TMED10: variants seen among roughly 807,000 people sequenced by gnomAD.
TMED10 encodes the protein transmembrane p24 trafficking protein 10.
A neutral mutation model predicts 23.1 loss-of-function variants in TMED10; 7 were observed. The observed-to-expected ratio is 0.30, with a 90% CI of 0.17 to 0.57. The LOEUF is 0.57. TMED10 is among the 20% of genes least tolerant of loss of function. TMED10 has a pLI of 0.91. For synonymous variants in TMED10, 113 were observed against 106.9 expected (o/e 1.06, Z -0.35); for missense variants, 162 against 274.8 (o/e 0.59, Z 2.90).
chr14:75,141,377 A>T (rs1194380638), intron 3 of TMED10, among the ~76,000 whole-genome samples: 1 of 152,210 alleles, frequency 6.6e-6, no homozygotes, highest in Admixed American at 6.5e-5. Flanking sequence ...ATGTACACAC[A>T]TAACTGCCAC....
chr14:75,160,831 G>A (rs1338910458), intron 1 of TMED10, among the ~76,000 whole-genome samples: 1 of 152,136 alleles, frequency 6.6e-6, no homozygotes, highest in East Asian at 1.9e-4. Context: ...CGTCATTTGA[G>A]GTCAGGAGTT....
At position 75,135,706 on chromosome 14, in the gene TMED10, G is replaced by C. The variant is rs1895740709; in HGVS notation, c.538+54C>G. On this transcript the variant is annotated intron_variant, in intron 4 of 4. Coordinates refer to ENST00000303575, the MANE Select transcript of TMED10 (RefSeq NM_006827.6). ...AGGGTACACCAGAATTGAAAGTTTG[G>C]AGACTGTCTCATTTATGGGTCACTT... 8.2e-6 allele frequency: 13 copies of C among 1,593,644 alleles called. No individual in the cohort carries two copies. The South Asian group carries it at 1.5e-4, about 18-fold the overall frequency.
intron 1 of TMED10, among the ~76,000 whole-genome samples, chr14:75,161,279 A>T (rs148749203): frequency 9.2e-5 from 14 of 152,318 alleles, no homozygotes; most frequent in African/African-American, 3.1e-4. Context: ...ATTCAAAATA[A>T]AACTTCAAAA....
Position 75,168,772 on chromosome 14 carries a change from C to A in TMED10, c.225+7583G>T, listed in dbSNP as rs1896194416. On this transcript the variant is annotated intron_variant, in intron 1 of 4. Transcript: ENST00000303575. ...GACTAAGATGTTTAACTCAGTTATA[C>A]AACAATGTGTACGTTAAACTAAAGA... Among the ~76,000 whole-genome samples, 3 of 152,124 alleles carry A rather than the reference C, an allele frequency of 2.0e-5. No individual in the cohort carries two copies. In the South Asian group the frequency reaches 6.2e-4, roughly 31 times the overall value.
At chr14:75,153,045 C>G (rs986912020) in intron 1 of TMED10, among the ~76,000 whole-genome samples, 8 of 152,202 alleles carry the variant, frequency 5.3e-5, no homozygotes, top group African/African-American at 1.9e-4. Context: ...TCGCTTGAAC[C>G]TGGGAGGCGG....
intron 3 of TMED10, among the ~76,000 whole-genome samples, chr14:75,145,208 C>T (rs1167965311): frequency 6.6e-6 from 1 of 152,150 alleles, no homozygotes; most frequent in African/African-American, 2.4e-5. Context: ...TAGGACATGT[C>T]AGACGTCTGA....
In TMED10 at chr14:75,166,547, G is replaced by A. The variant is rs76983909; in HGVS notation, c.225+9808C>T. On this transcript the variant is annotated intron_variant, in intron 1 of 4. Transcript: ENST00000303575. The stretch of plus-strand genomic sequence containing the variant: ...ATGGTGTAGCAATTTCAAACTGGAA[G>A]CAGCCCCCTTCTCTAGATCAGTTCA... Among the ~76,000 whole-genome samples the A allele has an allele frequency of 6.0e-3, 909 of 152,286 alleles. 8 individuals are homozygous for A. Among genetic ancestry groups the A allele is most frequent in the African/African-American group, 0.021 (876 of 41,554 alleles).
chr14:75,163,053 A>T (rs1896103150), intron 1 of TMED10, among the ~76,000 whole-genome samples: 1 of 151,898 alleles, frequency 6.6e-6, no homozygotes, highest in Admixed American at 6.6e-5. Flanking sequence ...TGGGCAACAC[A>T]GGAAGACCCT....
chr14:75,161,355 G>C (rs192834530), intron 1 of TMED10, among the ~76,000 whole-genome samples: 1 of 152,084 alleles, frequency 6.6e-6, no homozygotes, highest in Admixed American at 6.6e-5. Flanking sequence ...TCACCTGAGG[G>C]AAGAAAAAAG....
intron 2 of TMED10, among the ~76,000 whole-genome samples, chr14:75,148,486 G>C (rs1009676996): frequency 6.6e-6 from 1 of 151,864 alleles, no homozygotes; most frequent in South Asian, 2.1e-4. Flanking sequence ...ATCTGATTCA[G>C]CTGGATCAAA....
intron 1 of TMED10, 74 bp downstream of exon 1, chr14:75,176,281 T>C: frequency 6.4e-7 from 1 of 1,574,552 alleles, no homozygotes; most frequent in Non-Finnish European, 8.7e-7. Context: ...CCGGCCCGAC[T>C]CCCCCGAACC....
At chr14:75,175,761 AAG>A (rs1463949469) in intron 1 of TMED10, among the ~76,000 whole-genome samples, 4 of 152,218 alleles carry the variant, frequency 2.6e-5, no homozygotes, top group Admixed American at 1.3e-4. Flanking sequence ...AAAAAAAAAA[AAG>A]AATCTATTCC....
At chr14:75,137,045 A>G (rs1358718959) in intron 3 of TMED10, 2 of 145,618 alleles carry the variant, frequency 1.4e-5, no homozygotes, top group African/African-American at 5.1e-5. Flanking sequence ...ATGGAGTCTC[A>G]CTCTTGCCAG....
In TMED10 at chr14:75,164,554, TA is replaced by T. The variant is rs1566675151; in HGVS notation, c.225+11800del. ...CCTAATATATATATATATATATATA[TA>T]TATATATATATATATATATATATTT... On this transcript the variant is annotated intron_variant, in intron 1 of 4. Transcript: ENST00000303575. 6.4e-3 allele frequency among the ~76,000 whole-genome samples: 14 copies of T among 2,194 alleles called. 1 individual carries two copies. Among genetic ancestry groups the T allele is most frequent in the Non-Finnish European group, 0.013 (6 of 464 alleles). 1.4% of individuals were successfully genotyped at this position (2,194 alleles called of 152,430 possible). A position where few individuals can be genotyped will look rare whatever the true frequency, so the allele number is the denominator to read the frequency against.
intron 1 of TMED10, among the ~76,000 whole-genome samples, chr14:75,168,263 T>A (rs1896188945): frequency 6.6e-6 from 1 of 152,184 alleles, no homozygotes; most frequent in African/African-American, 2.4e-5. Flanking sequence ...TTTTAACTTG[T>A]TTTTTGTCTT....
intron 3 of TMED10, among the ~76,000 whole-genome samples, chr14:75,139,668 T>C (rs1236542550): frequency 1.3e-5 from 2 of 151,392 alleles, no homozygotes; most frequent in African/African-American, 4.8e-5. Context: ...TTGAATCCCA[T>C]CTTTCATCCA....
intron 1 of TMED10, among the ~76,000 whole-genome samples, chr14:75,168,075 G>A (rs1896186800): frequency 6.6e-6 from 1 of 152,040 alleles, no homozygotes. Flanking sequence ...TCTCAATATA[G>A]GTCTGAAATA....
Position 75,176,372 on chromosome 14 carries a change from G to C in TMED10, c.208C>G (p.Leu70Val), listed in dbSNP as rs779849146. 1.8e-5 allele frequency: 29 copies of C among 1,614,218 alleles called. No homozygotes were observed. In the South Asian group the frequency reaches 3.2e-4, roughly 18 times the overall value. Residue 70 changes from leucine (L) to valine (V), a missense_variant, in exon 1 of 5, where the codon CTG becomes GTG. Coordinates refer to ENST00000303575, the MANE Select transcript of TMED10 (RefSeq NM_006827.6). ...TGCCGCACCTTGAGGTGGCTGCGCA[G>C]GCCGCCAGCGCCCCCAGACTGGTCG... ...ISDQSGGAGG[L>V]RSHLKITDSA...
intron 3 of TMED10, among the ~76,000 whole-genome samples, chr14:75,144,322 G>A (rs901061432): frequency 1.3e-5 from 2 of 152,226 alleles, no homozygotes; most frequent in African/African-American, 2.4e-5. Context: ...CTGAAGGGCA[G>A]AAGTGAGACA....
Sources: gnomAD v4.1 joint callset for allele counts (sites outside exome capture counted in the v4.1 genomes callset) on GRCh38, gnomAD v4.1.1 for gene constraint, MANE v1.5 for transcripts, NCBI Gene and HGNC (gene_info 2026-07-23, HGNC 2026-07-21) for gene names.